Variants in MXI1 observed in about 807,000 individuals in gnomAD.
MXI1 encodes the protein max-interacting protein 1.
In MXI1, 18 loss-of-function variants were observed where a neutral mutation model predicts 36.9. The observed-to-expected ratio is 0.49, with a 90% CI of 0.34 to 0.72. The LOEUF is 0.72. Ranked by LOEUF, MXI1 falls within the 30% of genes least tolerant of loss-of-function variation. The pLI is 0.01. For synonymous variants in MXI1, 160 were observed against 146.7 expected, an observed-to-expected ratio of 1.09 and a Z score of -0.65; for missense variants, 304 against 379.1, an observed-to-expected ratio of 0.80 and a Z score of 1.64.
At chr10:110,239,181 G>A (rs1855576602) in intron 2 of MXI1, among the ~76,000 whole-genome samples, 1 of 152,148 alleles carries the variant, frequency 6.6e-6, no homozygotes, top group African/African-American at 2.4e-5. Flanking sequence ...ATGTTTAGCA[G>A]CATCCCTAGC....
At chr10:110,250,066 T>C (rs1361427416) in intron 3 of MXI1, among the ~76,000 whole-genome samples, 1 of 152,132 alleles carries the variant, frequency 6.6e-6, no homozygotes, top group Admixed American at 6.6e-5. Context: ...GAGTAGTTGG[T>C]TGTGATCCAC....
intron 3 of MXI1, among the ~76,000 whole-genome samples, chr10:110,271,450 T>A (rs141523396): frequency 5.3e-4 from 81 of 152,334 alleles, no homozygotes; most frequent in African/African-American, 1.8e-3. Flanking sequence ...CACTCTCAAT[T>A]GAAATACAGT....
Position 110,244,713 on chromosome 10 carries a change from A to G in MXI1, c.408-115A>G. On this transcript the variant is annotated intron_variant, in intron 2 of 5. Transcript: ENST00000332674. ...TGAGTGAGCTTGTAGAAGTCTGACC[A>G]TGTGTTGCATTGTTAAATAAATTCA... 1.1e-5 allele frequency: 8 copies of G among 736,644 alleles called. 1 individual carries two copies. Among genetic ancestry groups the G allele is most frequent in the Middle Eastern group, 3.7e-4 (1 of 2,706 alleles). 45.6% of individuals were successfully genotyped at this position (736,644 alleles called of 1,614,324 possible). A position where few individuals can be genotyped will look rare whatever the true frequency, so the allele number is the denominator to read the frequency against.
intron 5 of MXI1, among the ~76,000 whole-genome samples, chr10:110,280,535 A>C (rs758235250): frequency 2.0e-4 from 30 of 151,622 alleles, no homozygotes; most frequent in East Asian, 5.8e-4. Flanking sequence ...AAAAAATTAG[A>C]CGGGCGTGGT....
rs1019569950 is a variant in MXI1, at chr10:110,219,066, G to A, written c.275-9123G>A. ...TGTAATCCCAGCACTTTGGGAGGCC[G>A]AAGTGGGTGGATCACCTGAGGTCAG... On this transcript the variant is annotated intron_variant, in intron 1 of 5. Transcript: ENST00000332674. 6.6e-5 allele frequency among the ~76,000 whole-genome samples: 10 copies of A among 152,232 alleles called. No individual in the cohort carries two copies. In the East Asian group the frequency reaches 7.7e-4, roughly 12 times the overall value.
chr10:110,217,897 T>A (rs1854693126), intron 1 of MXI1, among the ~76,000 whole-genome samples: 1 of 152,200 alleles, frequency 6.6e-6, no homozygotes. Context: ...GCCCTCCTAG[T>A]ATTGAGCATT....
intron 2 of MXI1, among the ~76,000 whole-genome samples, chr10:110,231,372 C>CT (rs34725277): frequency 6.6e-6 from 1 of 150,648 alleles, no homozygotes; most frequent in Admixed American, 6.6e-5. Flanking sequence ...ACCCCCCCCC[C>CT]CTCAAAAAAG....
intron 1 of MXI1, among the ~76,000 whole-genome samples, chr10:110,214,013 C>T (rs908938993): frequency 2.0e-5 from 3 of 152,328 alleles, no homozygotes; most frequent in Non-Finnish European, 4.4e-5. Flanking sequence ...TTTTATTACC[C>T]TCTTTTACGG....
Position 110,279,164 on chromosome 10 carries a change from T to A in MXI1, c.438-16T>A. 1 of 1,595,828 alleles carries A rather than the reference T, an allele frequency of 6.3e-7. No homozygotes were observed. Among genetic ancestry groups the A allele is most frequent in the Non-Finnish European group, 8.6e-7 (1 of 1,164,346 alleles). Reference sequence around the variant, plus strand: ...AATAACCAGACTGTGCTGATTTGACTTTTTGTCTTTCTTAGACGAGCTCAT... The same window carrying A: ...AATAACCAGACTGTGCTGATTTGACATTTTGTCTTTCTTAGACGAGCTCAT... On this transcript the variant is annotated splice_polypyrimidine_tract_variant and intron_variant, in intron 3 of 5. Coordinates refer to ENST00000332674, the MANE Select transcript of MXI1 (RefSeq NM_130439.3).
chr10:110,227,220 G>A (rs1194632918), intron 1 of MXI1: 3 of 528,140 alleles, frequency 5.7e-6, no homozygotes, highest in African/African-American at 5.7e-5. Flanking sequence ...AGGGGTGCGC[G>A]CGTGGGAGGG....
chr10:110,216,006 G>A (rs541530625), intron 1 of MXI1, among the ~76,000 whole-genome samples: 62 of 152,348 alleles, frequency 4.1e-4, no homozygotes, highest in South Asian at 3.7e-3. Context: ...GTACCCGAGT[G>A]GCCTGGCTAG....
intron 3 of MXI1, among the ~76,000 whole-genome samples, chr10:110,258,129 G>T (rs1856381842): frequency 6.6e-6 from 1 of 152,154 alleles, no homozygotes; most frequent in East Asian, 1.9e-4. Context: ...AAGTATAGTT[G>T]TGGAGGAAAG....
intron 5 of MXI1, 103 bp downstream of exon 5, chr10:110,280,188 CAG>C: frequency 2.1e-6 from 2 of 955,568 alleles, no homozygotes; most frequent in Non-Finnish European, 2.9e-6. Flanking sequence ...TTCTAGCCAA[CAG>C]AGTAACATTG....
chr10:110,252,290 A>G (rs1281797441), intron 3 of MXI1, among the ~76,000 whole-genome samples: 2 of 152,176 alleles, frequency 1.3e-5, no homozygotes, highest in Admixed American at 6.5e-5. Context: ...GAACATATCA[A>G]ATTGAGTCAT....
intron 4 of MXI1, among the ~76,000 whole-genome samples, 185 bp from the exon 5 acceptor site, chr10:110,279,729 A>AT (rs1201611219): frequency 1.3e-5 from 2 of 152,246 alleles, no homozygotes; most frequent in East Asian, 3.9e-4. Flanking sequence ...AGACAAAACT[A>AT]TTTTTTATTT....
chr10:110,211,819 G>A (rs1017064440), intron 1 of MXI1, among the ~76,000 whole-genome samples: 3 of 152,132 alleles, frequency 2.0e-5, no homozygotes, highest in African/African-American at 7.2e-5. Context: ...GAATCTCTAC[G>A]GATCACAAAT....
chr10:110,269,450 C>T (rs1467012883), intron 3 of MXI1, among the ~76,000 whole-genome samples: 3 of 152,128 alleles, frequency 2.0e-5, no homozygotes, highest in Admixed American at 2.0e-4. Flanking sequence ...CTGTTTTGTG[C>T]TATGTAAGAT....
At chr10:110,218,831 C>T (rs986804915) in intron 1 of MXI1, among the ~76,000 whole-genome samples, 1 of 152,168 alleles carries the variant, frequency 6.6e-6, no homozygotes, top group African/African-American at 2.4e-5. Context: ...ATACATGGAG[C>T]CAAGGGCTTC....
chr10:110,281,535 G>A (rs946161273), intron 5 of MXI1, among the ~76,000 whole-genome samples: 3 of 151,948 alleles, frequency 2.0e-5, no homozygotes, highest in East Asian at 1.9e-4. Context: ...CCCCTACACC[G>A]TTTTGGTAGA....
Sources: allele counts gnomAD v4.1 joint callset (sites outside exome capture counted in the v4.1 genomes callset), GRCh38; gene constraint gnomAD v4.1.1; transcripts MANE v1.5; gene names NCBI Gene and HGNC (gene_info 2026-07-23, HGNC 2026-07-21).